Variants in ADAM32 observed in about 807,000 individuals in gnomAD.
The protein encoded by ADAM32 is ADAM metallopeptidase domain 32.
Under a neutral mutation model 114.9 loss-of-function variants are expected in ADAM32, and 89 were observed. The ratio of observed to expected loss-of-function variants is 0.77; its 90% CI spans 0.65 to 0.92. ADAM32 has a LOEUF of 0.92. Ranked by LOEUF, ADAM32 falls within the 40% of genes least tolerant of loss-of-function variation. The pLI is 0.00. For missense variants in ADAM32, 870 were observed against 932.8 expected (o/e 0.93, Z 0.88); for synonymous variants, 285 against 307.5 (o/e 0.93, Z 0.77).
At position 39,264,641 on chromosome 8, in the gene ADAM32, G is replaced by A. The variant is rs183985955; in HGVS notation, c.2163-6235G>A. Among the ~76,000 whole-genome samples the A allele has an allele frequency of 9.1e-4, 139 of 152,158 alleles. 1 individual carries two copies. Among genetic ancestry groups the A allele is most frequent in the Non-Finnish European group, 1.6e-3 (110 of 67,990 alleles). ...TCTAGGTCTTCTAGGTGCGATGTTA[G>A]GTTGTTAACCTGAGATCTTTCTAAC... On this transcript the variant is annotated intron_variant, in intron 19 of 24. Transcript: ENST00000379907.
intron 17 of ADAM32, among the ~76,000 whole-genome samples, chr8:39,250,513 A>G (rs943343537): frequency 6.6e-6 from 1 of 152,040 alleles, no homozygotes; most frequent in African/African-American, 2.4e-5. Flanking sequence ...AGCTTTCAGC[A>G]TATGAAGTAT....
intron 22 of ADAM32, among the ~76,000 whole-genome samples, chr8:39,279,464 A>G (rs568821768): frequency 6.6e-6 from 1 of 152,236 alleles, no homozygotes; most frequent in East Asian, 1.9e-4. Flanking sequence ...TTGTAGTTTT[A>G]GTAGAGACGG....
chr8:39,209,131 G>C (rs976748888), intron 11 of ADAM32, among the ~76,000 whole-genome samples: 1 of 151,746 alleles, frequency 6.6e-6, no homozygotes, highest in Non-Finnish European at 1.5e-5. Flanking sequence ...TGTACATTTG[G>C]TATCTCACTG....
rs558519318 is a variant in ADAM32, at chr8:39,237,698, C to T, written c.1818+3616C>T. Among the ~76,000 whole-genome samples, 12 of 148,494 alleles carry T rather than the reference C, an allele frequency of 8.1e-5. No homozygotes were observed. In the South Asian group the frequency reaches 2.4e-3, roughly 30 times the overall value. ...AACTCCATTGACCTGAGAACCACCT[C>T]CCCCAATCCACCACAACGGCCATAG... On this transcript the variant is annotated intron_variant, in intron 16 of 24. Transcript: ENST00000379907.
At chr8:39,246,492 G>A (rs1234773578) in intron 17 of ADAM32, among the ~76,000 whole-genome samples, 3 of 152,126 alleles carry the variant, frequency 2.0e-5, no homozygotes, top group Non-Finnish European at 4.4e-5. Context: ...TGAATACACA[G>A]GGATCATGAA....
intron 22 of ADAM32, 81 bp downstream of exon 22, chr8:39,275,947 A>T: frequency 1.5e-6 from 2 of 1,309,308 alleles, no homozygotes; most frequent in Non-Finnish European, 2.1e-6. Flanking sequence ...ATTAACAATT[A>T]CTTGCTAACT....
chr8:39,247,587 C>T (rs1811010905), intron 17 of ADAM32, among the ~76,000 whole-genome samples: 2 of 151,946 alleles, frequency 1.3e-5, no homozygotes, highest in African/African-American at 2.4e-5. Flanking sequence ...TTTTGAATAA[C>T]AGTCATGTAT....
At chr8:39,139,191 C>G (rs534031824) in intron 3 of ADAM32, among the ~76,000 whole-genome samples, 1 of 152,098 alleles carries the variant, frequency 6.6e-6, no homozygotes, top group Non-Finnish European at 1.5e-5. Flanking sequence ...TAGATTCCAT[C>G]TGTCTATTTT....
intron 16 of ADAM32, among the ~76,000 whole-genome samples, chr8:39,234,515 G>A (rs1809971268): frequency 6.6e-6 from 1 of 152,152 alleles, no homozygotes; most frequent in South Asian, 2.1e-4. Flanking sequence ...CATTTTGCAA[G>A]TTATCTAGCT....
intron 19 of ADAM32, among the ~76,000 whole-genome samples, chr8:39,269,822 A>G (rs1662947164): frequency 6.6e-6 from 1 of 152,158 alleles, no homozygotes; most frequent in Non-Finnish European, 1.5e-5. Context: ...TCATAGTGCT[A>G]TACAGAACTG....
intron 12 of ADAM32, among the ~76,000 whole-genome samples, chr8:39,213,196 T>C (rs1564613668): frequency 6.6e-6 from 1 of 152,114 alleles, no homozygotes; most frequent in Non-Finnish European, 1.5e-5. Context: ...TTTTAAGCAA[T>C]TTTTTGATAT....
chr8:39,214,630 C>T (rs937959259), intron 12 of ADAM32, among the ~76,000 whole-genome samples: 1 of 152,060 alleles, frequency 6.6e-6, no homozygotes, highest in African/African-American at 2.4e-5. Flanking sequence ...TCCTCCCATT[C>T]TGTGGGTTGT....
At chr8:39,161,108 A>C (rs1804482867) in intron 7 of ADAM32, 143 bp downstream of exon 7, 1 of 722,308 alleles carries the variant, frequency 1.4e-6, no homozygotes, top group East Asian at 3.0e-5. Flanking sequence ...GCAAACTGAG[A>C]AACTAAATAG....
chr8:39,179,167 C>G (rs189517309), intron 10 of ADAM32, among the ~76,000 whole-genome samples: 250 of 152,226 alleles, frequency 1.6e-3, no homozygotes, highest in Non-Finnish European at 3.1e-3. Context: ...CATCCCTTCC[C>G]CCTGGAAGCT....
chr8:39,252,098 A>T (rs1262958312), intron 17 of ADAM32, among the ~76,000 whole-genome samples: 2 of 151,828 alleles, frequency 1.3e-5, no homozygotes, highest in Non-Finnish European at 3.0e-5. Context: ...TGCCAGTACC[A>T]TGGTGATTTG....
At chr8:39,131,946 T>A in intron 2 of ADAM32, 1 of 265,292 alleles carries the variant, frequency 3.8e-6, no homozygotes, top group South Asian at 3.1e-5. Flanking sequence ...CAGGCTGGAG[T>A]GTAGTGGCAC....
intron 14 of ADAM32, among the ~76,000 whole-genome samples, chr8:39,227,575 A>G (rs1739798938): frequency 6.6e-6 from 1 of 152,128 alleles, no homozygotes; most frequent in South Asian, 2.1e-4. Context: ...CACTTCCGTG[A>G]CAACCTGCAT....
At chr8:39,214,338 C>T (rs1808423612) in intron 12 of ADAM32, among the ~76,000 whole-genome samples, 1 of 152,118 alleles carries the variant, frequency 6.6e-6, no homozygotes, top group Non-Finnish European at 1.5e-5. Context: ...TCCATATCTT[C>T]ACTAGCATTT....
At chr8:39,230,926 A>G (rs1003208129) in intron 14 of ADAM32, among the ~76,000 whole-genome samples, 2 of 152,154 alleles carry the variant, frequency 1.3e-5, no homozygotes, top group Non-Finnish European at 2.9e-5. Flanking sequence ...AGATTTAGAG[A>G]GGTTCATTTT....
Sources: gnomAD v4.1 joint callset for allele counts (sites outside exome capture counted in the v4.1 genomes callset) on GRCh38, gnomAD v4.1.1 for gene constraint, MANE v1.5 for transcripts, NCBI Gene and HGNC (gene_info 2026-07-23, HGNC 2026-07-21) for gene names.